Variants in SLC4A10 observed in about 807,000 individuals in gnomAD.
SLC4A10 encodes solute carrier family 4 member 10, also known as sodium-driven chloride bicarbonate exchanger.
SLC4A10 carries 42 observed loss-of-function variants against 137.7 expected under a neutral mutation model. The observed-to-expected ratio is 0.30, with a 90% CI of 0.24 to 0.39. The LOEUF (loss-of-function observed/expected upper bound fraction) is 0.39. Among genes scored for constraint, SLC4A10 ranks in the 10% least tolerant of loss-of-function variants. The probability of loss-of-function intolerance (pLI) is 1.00; values close to 1 mark genes in which losing one functional copy is unlikely to be tolerated. For missense variants in SLC4A10, 925 were observed against 1,355.0 expected, an observed-to-expected ratio of 0.68 and a Z score of 4.98; for synonymous variants, 474 against 464.1, an observed-to-expected ratio of 1.02 and a Z score of -0.27.
At chr2:161,893,375 C>G (rs752586540) in intron 10 of SLC4A10, among the ~76,000 whole-genome samples, 4 of 151,984 alleles carry the variant, frequency 2.6e-5, no homozygotes, top group East Asian at 1.9e-4. Context: ...GGTTCTGCAC[C>G]CTTGAACTTA....
intron 1 of SLC4A10, among the ~76,000 whole-genome samples, chr2:161,750,424 G>A (rs889806443): frequency 6.6e-6 from 1 of 151,282 alleles, no homozygotes; most frequent in African/African-American, 2.4e-5. Flanking sequence ...GCATCCCATA[G>A]GTTTTGCTTT....
In SLC4A10 at chr2:161,825,230, C is replaced by A. The variant is rs868530603; in HGVS notation, c.278-14559C>A. Among the ~76,000 whole-genome samples, 13 of 152,212 alleles carry A rather than the reference C, an allele frequency of 8.5e-5. No homozygotes were observed. The South Asian group carries it at 1.9e-3, about 22-fold the overall frequency. The stretch of plus-strand genomic sequence containing the variant: ...GTGTGGGAGATCAGCACCTTTAAGA[C>A]CTGTGTTATTCAAGAGTCAACTGTA... On this transcript the variant is annotated intron_variant, in intron 3 of 26. Transcript: ENST00000446997.
intron 1 of SLC4A10, among the ~76,000 whole-genome samples, chr2:161,698,043 C>T (rs1051993572): frequency 1.3e-5 from 2 of 152,066 alleles, no homozygotes; most frequent in South Asian, 2.1e-4. Context: ...AGTTGGATTC[C>T]TAGGTATTTT....
At chr2:161,871,961 GC>G (rs1457947351) in intron 6 of SLC4A10, among the ~76,000 whole-genome samples, 1 of 151,904 alleles carries the variant, frequency 6.6e-6, no homozygotes, top group African/African-American at 2.4e-5. Context: ...TTTTATATAC[GC>G]CATTAGTTTT....
At chr2:161,945,629 T>C (rs1226835748) in intron 16 of SLC4A10, among the ~76,000 whole-genome samples, 1 of 151,822 alleles carries the variant, frequency 6.6e-6, no homozygotes, top group African/African-American at 2.4e-5. Flanking sequence ...TGTGAGTGCC[T>C]CTGTGTGTGT....
At chr2:161,853,394 G>A (rs1175690203) in intron 4 of SLC4A10, among the ~76,000 whole-genome samples, 1 of 152,150 alleles carries the variant, frequency 6.6e-6, no homozygotes, top group Non-Finnish European at 1.5e-5. Flanking sequence ...AGCTCCAGAG[G>A]ATATCCTCTT....
intron 1 of SLC4A10, among the ~76,000 whole-genome samples, chr2:161,632,741 G>A (rs1169744066): frequency 1.3e-5 from 2 of 151,534 alleles, no homozygotes; most frequent in South Asian, 2.1e-4. Flanking sequence ...TTAAAGGGTA[G>A]CACTAAGGAA....
rs528703860 is a variant in SLC4A10, at chr2:161,932,578, C to T, written c.1998-10214C>T. Among the ~76,000 whole-genome samples the T allele has an allele frequency of 6.6e-5, 10 of 152,206 alleles. No individual in the cohort carries two copies. The East Asian group carries it at 1.9e-3, about 29-fold the overall frequency. On this transcript the variant is annotated intron_variant, in intron 15 of 26. Coordinates refer to ENST00000446997, the MANE Select transcript of SLC4A10 (RefSeq NM_001178015.2). ...TTTCTATTAGGACTTGCCTCTGAGT[C>T]CCAAACTGGGACTCAGGATCAGATC...
At chr2:161,644,394 G>T (rs2035734330) in intron 1 of SLC4A10, among the ~76,000 whole-genome samples, 2 of 152,024 alleles carry the variant, frequency 1.3e-5, no homozygotes, top group South Asian at 2.1e-4. Flanking sequence ...TACACAGGAG[G>T]CTGAAGAGAG....
intron 1 of SLC4A10, among the ~76,000 whole-genome samples, chr2:161,687,439 C>A (rs1282375354): frequency 2.0e-5 from 3 of 152,006 alleles, no homozygotes; most frequent in Non-Finnish European, 4.4e-5. Context: ...AAAATAATGT[C>A]TTGGATTTAT....
Position 161,723,015 on chromosome 2 carries a change from C to T in SLC4A10, c.49-47958C>T, listed in dbSNP as rs146662297. On this transcript the variant is annotated intron_variant, in intron 1 of 26. Transcript: ENST00000446997. Reference sequence around the variant, plus strand: ...CCTCCAGGTCCAAACTACTCAGTATCCCTAGCACTGGTAGGGGAAAGCGGC... The same window carrying T: ...CCTCCAGGTCCAAACTACTCAGTATTCCTAGCACTGGTAGGGGAAAGCGGC... Among the ~76,000 whole-genome samples, 15 of 152,260 alleles carry T rather than the reference C, an allele frequency of 9.9e-5. No individual in the cohort carries two copies. The East Asian group carries it at 2.5e-3, about 26-fold the overall frequency.
At chr2:161,835,191 C>T (rs897116003) in intron 3 of SLC4A10, among the ~76,000 whole-genome samples, 1 of 152,026 alleles carries the variant, frequency 6.6e-6, no homozygotes, top group Non-Finnish European at 1.5e-5. Flanking sequence ...GCACGTGCCA[C>T]CATGCCCAGC....
intron 1 of SLC4A10, among the ~76,000 whole-genome samples, chr2:161,710,130 T>C (rs376742217): frequency 3.4e-4 from 52 of 151,842 alleles, no homozygotes; most frequent in African/African-American, 1.2e-3. Context: ...CTATAATTTA[T>C]ATGTTATTCA....
At chr2:161,971,316 A>C (rs1698488329) in intron 23 of SLC4A10, among the ~76,000 whole-genome samples, 1 of 152,150 alleles carries the variant, frequency 6.6e-6, no homozygotes, top group Non-Finnish European at 1.5e-5. Context: ...TTATATCTGA[A>C]AACTGCTTTG....
chr2:161,781,863 C>T (rs1228854606), intron 2 of SLC4A10, among the ~76,000 whole-genome samples: 1 of 152,036 alleles, frequency 6.6e-6, no homozygotes. Context: ...ATATTCACGA[C>T]AGCTGTCTGC....
chr2:161,720,659 T>TGTTGG (rs1403994765), intron 1 of SLC4A10, among the ~76,000 whole-genome samples: 1 of 152,138 alleles, frequency 6.6e-6, no homozygotes, highest in Non-Finnish European at 1.5e-5. Flanking sequence ...TTTCGATCTT[T>TGTTGG]GTTGGTTTAA....
intron 3 of SLC4A10, among the ~76,000 whole-genome samples, chr2:161,826,940 C>A (rs1039732567): frequency 6.6e-6 from 1 of 152,088 alleles, no homozygotes; most frequent in Non-Finnish European, 1.5e-5. Flanking sequence ...TTTTTAAATT[C>A]TTTTCTACTT....
intron 19 of SLC4A10, among the ~76,000 whole-genome samples, chr2:161,954,664 C>G (rs1695346133): frequency 6.6e-6 from 1 of 152,116 alleles, no homozygotes; most frequent in Non-Finnish European, 1.5e-5. Context: ...TTATTTATTT[C>G]CTTTGGTTTA....
chr2:161,634,578 A>G (rs1367489220), intron 1 of SLC4A10, among the ~76,000 whole-genome samples: 2 of 151,992 alleles, frequency 1.3e-5, no homozygotes, highest in East Asian at 3.9e-4. Flanking sequence ...TTTAATAGAC[A>G]CATAATAATT....
Sources: allele counts gnomAD v4.1 joint callset (sites outside exome capture counted in the v4.1 genomes callset), GRCh38; gene constraint gnomAD v4.1.1; transcripts MANE v1.5; gene names NCBI Gene and HGNC (gene_info 2026-07-23, HGNC 2026-07-21).